Variants in NF1 observed in about 807,000 individuals in gnomAD.
NF1 encodes the protein neurofibromin 1.
A neutral mutation model predicts 325.7 loss-of-function variants in NF1; 122 were observed. The observed-to-expected ratio is 0.37, with a 90% CI of 0.32 to 0.44. NF1 has a LOEUF of 0.44. Ranked by LOEUF, NF1 falls within the 20% of genes least tolerant of loss-of-function variation. The probability of loss-of-function intolerance (pLI) is 1.00; values close to 1 mark genes in which losing one functional copy is unlikely to be tolerated. For missense variants in NF1, 2,140 were observed against 3,415.4 expected, an observed-to-expected ratio of 0.63 and a Z score of 9.31; for synonymous variants, 1,091 against 1,186.0, an observed-to-expected ratio of 0.92 and a Z score of 1.65.
intron 31 of NF1, among the ~76,000 whole-genome samples, chr17:31,258,119 C>G (rs1036398258): frequency 6.6e-6 from 1 of 151,996 alleles, no homozygotes; most frequent in African/African-American, 2.4e-5. Flanking sequence ...TGAGGTTTTT[C>G]TTTCCTCTGA....
chr17:31,095,294 C>T lies in NF1; in HGVS notation c.-16C>T, dbSNP rs1228219054. ...GCCCACCCTTCCCTCCGCCGCCCCC[C>T]GGCCGCGGGGAGGACATGGCCGCGC... On this transcript the variant is annotated 5_prime_UTR_variant, in exon 1 of 58. Coordinates refer to ENST00000358273, the MANE Select transcript of NF1 (RefSeq NM_001042492.3). 3.3e-6 allele frequency: 5 copies of T among 1,536,098 alleles called. No individual in the cohort carries two copies. The highest frequency in any genetic ancestry group is 2.0e-5 in the Admixed American group (1 of 50,918).
At chr17:31,207,783 A>T (rs1049343692) in intron 12 of NF1, among the ~76,000 whole-genome samples, 10 of 152,206 alleles carry the variant, frequency 6.6e-5, no homozygotes, top group Admixed American at 1.3e-4. Flanking sequence ...TAAGTTGTTT[A>T]AAAGTTATTT....
At chr17:31,198,769 C>T (rs2066477547) in intron 8 of NF1, among the ~76,000 whole-genome samples, 1 of 152,054 alleles carries the variant, frequency 6.6e-6, no homozygotes, top group African/African-American at 2.4e-5. Context: ...CATGCACCAC[C>T]ATGCCTGTGT....
At chr17:31,114,678 AC>A (rs1475198951) in intron 1 of NF1, among the ~76,000 whole-genome samples, 1 of 149,042 alleles carries the variant, frequency 6.7e-6, no homozygotes, top group African/African-American at 2.5e-5. Context: ...ACATAGTAAA[AC>A]CCTGTCTCTA....
rs2066507244 is a variant in NF1 at position 31,200,488 on chromosome 17, A to G, written c.955A>G (p.Ser319Gly). 1.2e-6 allele frequency: 2 copies of G among 1,614,180 alleles called. No homozygotes were observed. Among genetic ancestry groups the G allele is most frequent in the African/African-American group, 1.3e-5 (1 of 75,052 alleles). ...GHGGSRQLTE[S>G]AAIACVKLCK... ...TGGAGGAAGTAGGCAGCTGACAGAAAGTGCTGCAATTGCCTGTGTCAAACT... is the reference window on the plus strand; with the variant it reads ...TGGAGGAAGTAGGCAGCTGACAGAAGGTGCTGCAATTGCCTGTGTCAAACT... Residue 319 changes from serine to glycine, a missense_variant, in exon 9 of 58, where the codon AGT becomes GGT. Ser to Gly is a moderately conservative substitution (Grantham distance 56). Coordinates refer to ENST00000358273, the MANE Select transcript of NF1 (RefSeq NM_001042492.3).
chr17:31,123,237 T>C (rs1228341096), intron 1 of NF1, among the ~76,000 whole-genome samples: 1 of 152,228 alleles, frequency 6.6e-6, no homozygotes. Context: ...TAATATGTTC[T>C]TAAAAATTCA....
chr17:31,168,236 A>G lies in NF1; in HGVS notation c.480-1655A>G, dbSNP rs17883155. 4.6e-3 allele frequency among the ~76,000 whole-genome samples: 694 copies of G among 152,226 alleles called. 7 individuals carry two copies. Among genetic ancestry groups the G allele is most frequent in the African/African-American group, 0.016 (662 of 41,566 alleles). ...CTGCTTTAACTGTTTCTGGCATGCT[A>G]TGGTTTCTCTTCTTCCCTTTTCAGT... On this transcript the variant is annotated intron_variant, in intron 4 of 57. Transcript: ENST00000358273.
chr17:31,286,891 T>C (rs567392894), intron 36 of NF1, among the ~76,000 whole-genome samples: 1 of 152,350 alleles, frequency 6.6e-6, no homozygotes, highest in South Asian at 2.1e-4. Flanking sequence ...TAATTTTCTG[T>C]TGAGGCAAGC....
intron 34 of NF1, among the ~76,000 whole-genome samples, chr17:31,260,816 C>G (rs1349341631): frequency 6.6e-6 from 1 of 152,094 alleles, no homozygotes; most frequent in African/African-American, 2.4e-5. Flanking sequence ...CAAAGAAGTT[C>G]AGATTAGCGT....
intron 35 of NF1, 66 bp downstream of exon 35, chr17:31,261,923 G>A (rs2151466746): frequency 1.3e-6 from 2 of 1,518,540 alleles, no homozygotes; most frequent in Non-Finnish European, 1.8e-6. Flanking sequence ...TTGCCACCAG[G>A]CCACTTGTTA....
At chr17:31,109,592 C>T (rs1356521717) in intron 1 of NF1, among the ~76,000 whole-genome samples, 1 of 152,072 alleles carries the variant, frequency 6.6e-6, no homozygotes, top group East Asian at 1.9e-4. Context: ...CTGTGTTGTC[C>T]AGGCTGGTCT....
chr17:31,356,434 T>G, intron 51 of NF1, 26 bp from the exon 52 acceptor site: 1 of 1,608,154 alleles, frequency 6.2e-7, no homozygotes, highest in Non-Finnish European at 8.5e-7. Flanking sequence ...TTAATGAACT[T>G]GCATATTCTT....
chr17:31,203,473 T>G (rs769169239), intron 11 of NF1, among the ~76,000 whole-genome samples: 1 of 152,198 alleles, frequency 6.6e-6, no homozygotes, highest in Non-Finnish European at 1.5e-5. Context: ...AAATTGTTTC[T>G]CGTTAGGATA....
rs936578324 is a variant in NF1 at position 31,374,971 on chromosome 17, GTTTTGTT to G, written c.*823_*829del. 4.7e-6 allele frequency: 1 copy of G among 213,510 alleles called. No individual in the cohort carries two copies. Among genetic ancestry groups the G allele is most frequent in the African/African-American group, 2.3e-5 (1 of 44,064 alleles). 13.2% of individuals were successfully genotyped at this position (213,510 alleles called of 1,614,324 possible). A position where few individuals can be genotyped will look rare whatever the true frequency, so the allele number is the denominator to read the frequency against. On this transcript the variant is annotated 3_prime_UTR_variant, in exon 58 of 58. Transcript: ENST00000358273. ...ATTTTGCTAAAGGTGGTTTTTTTGT[GTTTTGTT>G]TTTTGTAAACCAAAACTATACTAAG...
chr17:31,332,370 A>G (rs17884783), intron 39 of NF1, among the ~76,000 whole-genome samples: 88 of 152,180 alleles, frequency 5.8e-4, no homozygotes, highest in African/African-American at 1.8e-3. Context: ...AGGCTGAGGC[A>G]GGAGAATTGC....
At chr17:31,225,730 G>T (rs776373307) in intron 17 of NF1, among the ~76,000 whole-genome samples, 4 of 152,140 alleles carry the variant, frequency 2.6e-5, no homozygotes, top group Admixed American at 6.5e-5. Context: ...CATATTTCAA[G>T]TGAAAATATC....
intron 36 of NF1, among the ~76,000 whole-genome samples, chr17:31,311,699 G>A (rs2068881253): frequency 6.6e-6 from 1 of 152,150 alleles, no homozygotes; most frequent in Non-Finnish European, 1.5e-5. Context: ...TACAGATAAG[G>A]AAACTGAGAC....
At chr17:31,108,807 G>T (rs1251844074) in intron 1 of NF1, among the ~76,000 whole-genome samples, 1 of 152,066 alleles carries the variant, frequency 6.6e-6, no homozygotes, top group Non-Finnish European at 1.5e-5. Context: ...CTTTCTACTG[G>T]AATGAGTTAA....
intron 1 of NF1, among the ~76,000 whole-genome samples, chr17:31,154,053 A>ATTTTT (rs67332557): frequency 5.7e-5 from 3 of 52,714 alleles, no homozygotes; most frequent in African/African-American, 1.5e-4. Context: ...AGTTTCTTTG[A>ATTTTT]TTTTTTTTTT....
Sources: allele counts gnomAD v4.1 joint callset (sites outside exome capture counted in the v4.1 genomes callset), GRCh38; gene constraint gnomAD v4.1.1; transcripts MANE v1.5; gene names NCBI Gene and HGNC (gene_info 2026-07-23, HGNC 2026-07-21).